PDE4D: variants seen among roughly 807,000 people sequenced by gnomAD.
PDE4D encodes 3',5'-cyclic-AMP phosphodiesterase 4D.
In PDE4D, 24 loss-of-function variants were observed where a neutral mutation model predicts 87.4. That is an observed-to-expected ratio of 0.27 (90% CI 0.20 to 0.39). The LOEUF (loss-of-function observed/expected upper bound fraction) is 0.39, where lower values mean the gene tolerates loss of function less well. Among genes scored for constraint, PDE4D ranks in the 10% least tolerant of loss-of-function variants. The pLI, the probability that PDE4D is intolerant of heterozygous loss-of-function variation, is 1.00. For missense variants in PDE4D, 714 were observed against 1,041.0 expected, an observed-to-expected ratio of 0.69 and a Z score of 4.32; for synonymous variants, 384 against 383.2, an observed-to-expected ratio of 1.00 and a Z score of -0.02.
At chr5:60,206,635 C>T (rs146176749) in intron 1 of PDE4D, among the ~76,000 whole-genome samples, 1 of 152,290 alleles carries the variant, frequency 6.6e-6, no homozygotes, top group African/African-American at 2.4e-5. Context: ...AATATGTGTG[C>T]TCATAAAATG....
chr5:60,081,952 A>T (rs1296252455), intron 2 of PDE4D, among the ~76,000 whole-genome samples: 1 of 152,168 alleles, frequency 6.6e-6, no homozygotes, highest in African/African-American at 2.4e-5. Context: ...TCAGGATCAT[A>T]GGCACTACTT....
chr5:60,510,750 T>G (rs753199093), intron 1 of PDE4D, among the ~76,000 whole-genome samples: 2 of 152,148 alleles, frequency 1.3e-5, no homozygotes, highest in Non-Finnish European at 2.9e-5. Flanking sequence ...GAAAGATAAT[T>G]TCTGGAAAAA....
intron 3 of PDE4D, chr5:59,986,294 A>G (rs1480925907): frequency 6.6e-6 from 1 of 152,482 alleles, no homozygotes; most frequent in Non-Finnish European, 1.5e-5. Context: ...GAGGTCAATC[A>G]ATCCCTGCCT....
chr5:59,883,492 G>C (rs1336551977), intron 1 of PDE4D, among the ~76,000 whole-genome samples: 1 of 152,148 alleles, frequency 6.6e-6, no homozygotes, highest in Non-Finnish European at 1.5e-5. Context: ...ATGGAACTTA[G>C]ACAACAGGCC....
At chr5:60,236,449 T>C (rs1159418420) in intron 1 of PDE4D, among the ~76,000 whole-genome samples, 1 of 151,966 alleles carries the variant, frequency 6.6e-6, no homozygotes, top group Non-Finnish European at 1.5e-5. Context: ...ATAGACATTT[T>C]ACTGAAGAAG....
intron 1 of PDE4D, among the ~76,000 whole-genome samples, chr5:60,518,449 CAG>C (rs1750899823): frequency 6.6e-6 from 1 of 152,228 alleles, no homozygotes; most frequent in Non-Finnish European, 1.5e-5. Context: ...AACGAATACA[CAG>C]CCTCACAGCT....
In PDE4D at chr5:60,354,868, C is replaced by T. The variant is rs143998351; in HGVS notation, c.-90+133074G>A. On this transcript the variant is annotated intron_variant, in intron 1 of 16. Transcript: ENST00000502484. ...GATAATAAATCACTAGAGAAAACAA[C>T]AATTTGACTACTAATTAGGCTACCC... 5.9e-3 allele frequency among the ~76,000 whole-genome samples: 899 copies of T among 152,206 alleles called. 6 individuals are homozygous for T. Among genetic ancestry groups the T allele is most frequent in the African/African-American group, 0.021 (852 of 41,530 alleles).
At chr5:60,095,646 CTGTCTATCTACAAGT>C (rs560041630) in intron 2 of PDE4D, among the ~76,000 whole-genome samples, 6 of 152,144 alleles carry the variant, frequency 3.9e-5, no homozygotes, top group Non-Finnish European at 8.8e-5. Context: ...ACAATGGAAT[CTGTCTATCTACAAGT>C]TGTCTATCTA....
chr5:59,056,507 T>C (rs982225801), intron 5 of PDE4D, among the ~76,000 whole-genome samples: 1 of 152,130 alleles, frequency 6.6e-6, no homozygotes, highest in Non-Finnish European at 1.5e-5. Flanking sequence ...TAGGTATACA[T>C]GTGCTATGGT....
At chr5:59,895,289 C>A (rs1048665798), upstream of PDE4D, among the ~76,000 whole-genome samples, 1 of 152,208 alleles carries the variant, frequency 6.6e-6, no homozygotes, top group African/African-American at 2.4e-5. Context: ...GTGCAAGTGG[C>A]AGGAGAAGGC....
chr5:59,845,205 G>T (rs1388475727), intron 1 of PDE4D, among the ~76,000 whole-genome samples: 1 of 152,066 alleles, frequency 6.6e-6, no homozygotes, highest in African/African-American at 2.4e-5. Flanking sequence ...GGGAAAACAT[G>T]AGATAATGAA....
chr5:59,540,002 G>A (rs1396616487), intron 1 of PDE4D, among the ~76,000 whole-genome samples: 1 of 152,132 alleles, frequency 6.6e-6, no homozygotes, highest in Non-Finnish European at 1.5e-5. Context: ...AGAGTGTCCT[G>A]GAGGTCTTTG....
At chr5:59,882,806 A>C (rs888915537) in intron 1 of PDE4D, among the ~76,000 whole-genome samples, 6 of 149,176 alleles carry the variant, frequency 4.0e-5, no homozygotes, top group Non-Finnish European at 8.9e-5. Flanking sequence ...ATACCAGAGG[A>C]TCACTCTGTT....
At chr5:60,438,475 T>C (rs914410610) in intron 1 of PDE4D, among the ~76,000 whole-genome samples, 4 of 152,064 alleles carry the variant, frequency 2.6e-5, no homozygotes, top group African/African-American at 9.7e-5. Context: ...TCTATGAGGG[T>C]AGAATATTGT....
chr5:60,487,525 G>A (rs976899344), intron 1 of PDE4D, among the ~76,000 whole-genome samples: 1 of 152,156 alleles, frequency 6.6e-6, no homozygotes, highest in Non-Finnish European at 1.5e-5. Context: ...TGTCCCCAAA[G>A]CATTTATTAT....
chr5:59,386,631 C>A (rs1269807409), intron 1 of PDE4D, among the ~76,000 whole-genome samples: 1 of 126,706 alleles, frequency 7.9e-6, no homozygotes, highest in Non-Finnish European at 1.6e-5. Context: ...GGGCACAAAG[C>A]AGGACCTTGT....
At position 60,269,078 on chromosome 5, in the gene PDE4D, C is replaced by T. The variant is rs572240980; in HGVS notation, c.-89-83391G>A. Among the ~76,000 whole-genome samples the T allele has an allele frequency of 1.1e-3, 169 of 152,102 alleles. 1 individual carries two copies. The highest frequency in any genetic ancestry group is 3.8e-3 in the African/African-American group (158 of 41,482). ...CAGCACTTTGGGAGGCCGAGGCGGG[C>T]GGATCACCTGAAGTCAGGAGTTCAA... On this transcript the variant is annotated intron_variant, in intron 1 of 16. Coordinates refer to the PDE4D transcript ENST00000502484.
chr5:60,408,449 G>A (rs1741761832), intron 1 of PDE4D, among the ~76,000 whole-genome samples: 1 of 152,140 alleles, frequency 6.6e-6, no homozygotes, highest in Admixed American at 6.5e-5. Flanking sequence ...GAGGCTCTGA[G>A]GCTCCTCAGC....
chr5:59,236,271 T>G (rs998590125), intron 1 of PDE4D, among the ~76,000 whole-genome samples: 5 of 152,148 alleles, frequency 3.3e-5, no homozygotes, highest in Admixed American at 3.3e-4. Flanking sequence ...TTGGGAGCCT[T>G]GAGTTTGAGT....
Sources: gnomAD v4.1 joint callset for allele counts (sites outside exome capture counted in the v4.1 genomes callset) on GRCh38, gnomAD v4.1.1 for gene constraint, MANE v1.5 for transcripts, NCBI Gene and HGNC (gene_info 2026-07-23, HGNC 2026-07-21) for gene names.